Variants in PCLO observed in about 807,000 individuals in gnomAD.
The protein encoded by PCLO is piccolo presynaptic cytomatrix protein, also known as protein piccolo.
A neutral mutation model predicts 427.5 loss-of-function variants in PCLO; 82 were observed. The ratio of observed to expected loss-of-function variants is 0.19; its 90% CI spans 0.16 to 0.23. The LOEUF (loss-of-function observed/expected upper bound fraction) is 0.23. Ranked by LOEUF, PCLO falls within the 10% of genes least tolerant of loss-of-function variation. The pLI is 1.00. For synonymous variants in PCLO, 2,357 were observed against 2,155.4 expected (o/e 1.09, Z -2.59); for missense variants, 6,239 against 6,115.9 (o/e 1.02, Z -0.67).
In PCLO at chr7:82,953,299, A is replaced by C; in HGVS notation, c.7654T>G (p.Tyr2552Asp). 1.2e-6 allele frequency: 2 copies of C among 1,613,686 alleles called. No homozygotes were observed. The change falls in exon 5 of 25, where the codon TAT becomes GAT. Residue 2552 changes from tyrosine (Y) to aspartate (D), a missense_variant. Tyr to Asp is a radical substitution (Grantham distance 160). This residue lies in a region of PCLO where 4,677 missense variants were observed against 4,468.4 expected (regional missense o/e 1.05). Coordinates refer to ENST00000333891, the MANE Select transcript of PCLO (RefSeq NM_033026.6). ...GGGGAGGTAGGGGAAGGCAATTTAT[A>C]ATCTGCTGAAGTCACTAAATTTAAG... The part of the protein sequence containing the change: ...MTLNLVTSAD[Y>D]KLPSPTSPLS...
chr7:82,762,569 CA>C (rs1333457073), intron 22 of PCLO, among the ~76,000 whole-genome samples: 1 of 151,478 alleles, frequency 6.6e-6, no homozygotes, highest in Non-Finnish European at 1.5e-5. Context: ...GGATAACTAC[CA>C]ATATTAGAAA....
chr7:82,767,173 A>C (rs770446946), intron 22 of PCLO, among the ~76,000 whole-genome samples: 26 of 152,154 alleles, frequency 1.7e-4, no homozygotes, highest in Non-Finnish European at 3.2e-4. Context: ...CACAGAGGAC[A>C]TATGATGATG....
intron 4 of PCLO, among the ~76,000 whole-genome samples, chr7:82,958,444 T>C (rs933537749): frequency 6.6e-6 from 1 of 151,994 alleles, no homozygotes; most frequent in African/African-American, 2.4e-5. Context: ...ATATAAATAT[T>C]GTTGGCTTGA....
At chr7:82,936,096 C>T (rs571368365) in intron 6 of PCLO, among the ~76,000 whole-genome samples, 4 of 151,752 alleles carry the variant, frequency 2.6e-5, no homozygotes, top group African/African-American at 9.6e-5. Context: ...ATATAGAACA[C>T]TTCACCAAAC....
chr7:83,024,533 G>A (rs1421309706), intron 3 of PCLO, among the ~76,000 whole-genome samples: 1 of 152,154 alleles, frequency 6.6e-6, no homozygotes, highest in South Asian at 2.1e-4. Flanking sequence ...TGGGGGAGGG[G>A]CGCCCGCCAT....
intron 3 of PCLO, among the ~76,000 whole-genome samples, chr7:83,091,287 G>A (rs1790372178): frequency 1.3e-5 from 2 of 152,068 alleles, no homozygotes; most frequent in Admixed American, 6.6e-5. Context: ...ATGATAGAAT[G>A]GTAAACAACA....
At chr7:82,821,831 T>C in intron 20 of PCLO, 3 of 982,088 alleles carry the variant, frequency 3.1e-6, no homozygotes, top group Non-Finnish European at 3.6e-6. Context: ...TATACATATA[T>C]TAATTTAATG....
chr7:83,161,748 A>G (rs1584105533), intron 1 of PCLO, among the ~76,000 whole-genome samples: 1 of 152,208 alleles, frequency 6.6e-6, no homozygotes, highest in East Asian at 1.9e-4. Context: ...CTCTGCTGTG[A>G]CCAAACCATC....
intron 3 of PCLO, among the ~76,000 whole-genome samples, chr7:83,037,541 C>T (rs1788825771): frequency 6.6e-6 from 1 of 151,828 alleles, no homozygotes; most frequent in Non-Finnish European, 1.5e-5. Context: ...GGAATTAACA[C>T]TGAGCTTTGG....
chr7:83,156,240 C>T lies in PCLO; in HGVS notation c.401G>A (p.Ser134Asn). ...KLPGRSPSTI[S>N]LKESKSRTDL... ...AGTTCTGGACTTTGATTCTTTCAAG[C>T]TAATAGTGGAAGGACTCCTCCCAGG... is the stretch of plus-strand genomic sequence containing the variant. The change falls in exon 2 of 25, where the codon AGC becomes AAC. Residue 134 changes from serine to asparagine, a missense_variant. This residue lies in a region of PCLO where 4,677 missense variants were observed against 4,468.4 expected (regional missense o/e 1.05). Coordinates refer to ENST00000333891, the MANE Select transcript of PCLO (RefSeq NM_033026.6). 1 of 1,613,806 alleles carries T rather than the reference C, an allele frequency of 6.2e-7. No homozygotes were observed. The highest frequency in any genetic ancestry group is 8.5e-7 in the Non-Finnish European group (1 of 1,179,846).
intron 16 of PCLO, among the ~76,000 whole-genome samples, chr7:82,833,519 T>C (rs565558959): frequency 6.6e-6 from 1 of 152,112 alleles, no homozygotes; most frequent in African/African-American, 2.4e-5. Context: ...AAGAAAAAAG[T>C]AAAGGAGACA....
chr7:82,880,171 A>T (rs1793470358), intron 9 of PCLO, among the ~76,000 whole-genome samples: 1 of 152,150 alleles, frequency 6.6e-6, no homozygotes, highest in Non-Finnish European at 1.5e-5. Context: ...TTTAAAAAAT[A>T]GCTAAAAATT....
chr7:82,839,053 A>AT (rs1792301499), intron 14 of PCLO, among the ~76,000 whole-genome samples: 1 of 151,982 alleles, frequency 6.6e-6, no homozygotes, highest in Non-Finnish European at 1.5e-5. Context: ...ATTTGAGAAA[A>AT]CTGCATAATT....
intron 14 of PCLO, among the ~76,000 whole-genome samples, chr7:82,840,902 T>G (rs2115776963): frequency 6.6e-6 from 1 of 151,968 alleles, no homozygotes; most frequent in African/African-American, 2.4e-5. Context: ...CAATCAGAAA[T>G]ATATAAATAT....
intron 10 of PCLO, among the ~76,000 whole-genome samples, chr7:82,849,100 C>T (rs1165796890): frequency 3.3e-5 from 5 of 152,062 alleles, no homozygotes; most frequent in Admixed American, 6.6e-5. Flanking sequence ...TCAGAAATTT[C>T]ATTGTCACAT....
intron 2 of PCLO, among the ~76,000 whole-genome samples, chr7:83,143,198 C>G (rs1011401233): frequency 3.9e-5 from 6 of 151,998 alleles, no homozygotes; most frequent in African/African-American, 1.5e-4. Context: ...AGTTTGATAA[C>G]AGATTATGTT....
chr7:83,082,914 C>T (rs958915950), intron 3 of PCLO, among the ~76,000 whole-genome samples: 4 of 151,602 alleles, frequency 2.6e-5, no homozygotes, highest in African/African-American at 4.8e-5. Context: ...AAAACTCTTA[C>T]GTAAAATAGT....
At chr7:82,802,244 G>T (rs1369986386) in intron 21 of PCLO, among the ~76,000 whole-genome samples, 1 of 104,074 alleles carries the variant, frequency 9.6e-6, no homozygotes, top group Non-Finnish European at 2.1e-5. Flanking sequence ...AATAATATTA[G>T]CTACATTTTG....
rs866349531 is a variant in PCLO at position 82,954,190 on chromosome 7, C to A, written c.6763G>T (p.Gly2255Cys). The A allele has an allele frequency of 4.3e-6, 7 of 1,613,424 alleles. No individual in the cohort carries two copies. In the African/African-American group the frequency reaches 8.0e-5, roughly 18 times the overall value. Residue 2255 changes from glycine (G) to cysteine (C), a missense_variant, in exon 5 of 25, where the codon GGT becomes TGT. Gly to Cys is a radical substitution (Grantham distance 159). Coordinates refer to ENST00000333891, the MANE Select transcript of PCLO (RefSeq NM_033026.6). ...VSLDRTAPPD[G>C]RASADHIVIS... ...ACAATATGATCAGCACTAGCTCTAC[C>A]ATCTGGTGGGGCAGTCCGATCTAAA...
Sources: allele counts gnomAD v4.1 joint callset (sites outside exome capture counted in the v4.1 genomes callset), GRCh38; gene constraint gnomAD v4.1.1; regional missense constraint gnomAD v4.1.1; transcripts MANE v1.5; gene names NCBI Gene and HGNC (gene_info 2026-07-23, HGNC 2026-07-21).